The following DCLK1 variants were observed in gnomAD, a reference collection of about 807,000 sequenced individuals.
The protein encoded by DCLK1 is doublecortin like kinase 1, also known as serine/threonine-protein kinase DCLK1.
Under a neutral mutation model 86.2 loss-of-function variants are expected in DCLK1, and 16 were observed. That is an observed-to-expected ratio of 0.19 (90% confidence interval 0.13 to 0.28). The LOEUF (loss-of-function observed/expected upper bound fraction) is 0.28, where lower values mean the gene tolerates loss of function less well. DCLK1 is among the 10% of genes least tolerant of loss of function. DCLK1 has a pLI of 1.00. For missense variants in DCLK1, 590 were observed against 940.2 expected (o/e 0.63, Z 4.87); for synonymous variants, 369 against 370.5 (o/e 1.00, Z 0.05).
intron 3 of DCLK1, among the ~76,000 whole-genome samples, chr13:36,014,101 A>G (rs1029143390): frequency 2.6e-5 from 4 of 152,102 alleles, no homozygotes; most frequent in Non-Finnish European, 4.4e-5. Context: ...GCCTGCGCCC[A>G]CTGTCTGGCA....
chr13:35,860,870 T>C (rs1411133001), intron 5 of DCLK1, among the ~76,000 whole-genome samples: 2 of 151,916 alleles, frequency 1.3e-5, no homozygotes, highest in African/African-American at 4.8e-5. Context: ...CCAAATTGGG[T>C]GAGTGGGCTT....
chr13:35,907,503 T>A (rs567321130), intron 4 of DCLK1, among the ~76,000 whole-genome samples: 1 of 152,142 alleles, frequency 6.6e-6, no homozygotes, highest in African/African-American at 2.4e-5. Context: ...CTTCCCTTTT[T>A]CAGACATACC....
At chr13:36,084,080 T>C (rs1427906004) in intron 3 of DCLK1, among the ~76,000 whole-genome samples, 2 of 152,188 alleles carry the variant, frequency 1.3e-5, no homozygotes, top group Non-Finnish European at 2.9e-5. Flanking sequence ...AAAAATACAT[T>C]GGAGCAAACA....
intron 5 of DCLK1, chr13:35,855,775 T>C: frequency 7.8e-7 from 1 of 1,279,410 alleles, no homozygotes; most frequent in Non-Finnish European, 9.9e-7. Context: ...CAATTAAGCC[T>C]CTTGCCAACA....
intron 4 of DCLK1, among the ~76,000 whole-genome samples, chr13:35,905,698 C>A (rs969853148): frequency 6.6e-6 from 1 of 152,132 alleles, no homozygotes. Context: ...GTATTCCCAG[C>A]GCATTGGGAG....
In DCLK1 at chr13:35,770,021, G is replaced by A. The variant is rs1464559786; in HGVS notation, c.*4514C>T. The A allele has an allele frequency of 6.6e-6, 1 of 152,132 alleles. No individual in the cohort carries two copies. The highest frequency in any genetic ancestry group is 2.4e-5 in the African/African-American group (1 of 41,436). The allele number at this position is 152,132 out of a possible 1,614,324, so 9.4% of individuals were successfully genotyped here. A position where few individuals can be genotyped will look rare whatever the true frequency, so the allele number is the denominator to read the frequency against. ...ACAAAAACCCCCACTCTAACCAGAG[G>A]CATTTAAGCCTCTCCACTGAAGTTC... On this transcript the variant is annotated 3_prime_UTR_variant, in exon 17 of 17. Coordinates refer to ENST00000360631, the MANE Select transcript of DCLK1 (RefSeq NM_001330071.2).
chr13:36,004,206 A>G (rs1593808150), intron 3 of DCLK1, among the ~76,000 whole-genome samples: 1 of 152,354 alleles, frequency 6.6e-6, no homozygotes, highest in East Asian at 1.9e-4. Flanking sequence ...ATAATTCAGT[A>G]TGTGATCACA....
intron 4 of DCLK1, among the ~76,000 whole-genome samples, chr13:35,885,063 A>G (rs1873145763): frequency 1.3e-5 from 2 of 152,114 alleles, no homozygotes; most frequent in African/African-American, 4.8e-5. Context: ...ATATAAAGGA[A>G]GCTTCCAGAA....
intron 3 of DCLK1, among the ~76,000 whole-genome samples, chr13:36,006,416 T>C (rs570401690): frequency 1.3e-5 from 2 of 152,206 alleles, no homozygotes; most frequent in Non-Finnish European, 1.5e-5. Context: ...TGTGAAACTA[T>C]CAAATAAAGC....
chr13:35,938,676 T>G (rs1371065115), intron 4 of DCLK1, among the ~76,000 whole-genome samples: 1 of 151,566 alleles, frequency 6.6e-6, no homozygotes, highest in Admixed American at 6.6e-5. Context: ...TTTTCTAAAT[T>G]TACACCCCAT....
intron 5 of DCLK1, among the ~76,000 whole-genome samples, chr13:35,867,166 G>T (rs1871855109): frequency 6.6e-6 from 1 of 152,114 alleles, no homozygotes; most frequent in Non-Finnish European, 1.5e-5. Flanking sequence ...AGTCACTTTT[G>T]GTAGCAAGTC....
chr13:36,124,933 C>T (rs75313341), intron 2 of DCLK1, among the ~76,000 whole-genome samples: 4 of 152,052 alleles, frequency 2.6e-5, no homozygotes, highest in East Asian at 3.8e-4. Context: ...TTTTAATTGG[C>T]GATGATTTCT....
At chr13:35,862,815 T>A (rs1200248933) in intron 5 of DCLK1, among the ~76,000 whole-genome samples, 1 of 152,200 alleles carries the variant, frequency 6.6e-6, no homozygotes. Flanking sequence ...TCCTTTTCTC[T>A]TGGAAGAGCT....
chr13:36,045,372 A>ATT (rs1405963739), intron 3 of DCLK1, among the ~76,000 whole-genome samples: 2 of 129,760 alleles, frequency 1.5e-5, no homozygotes, highest in Non-Finnish European at 3.2e-5. Context: ...ATATATATAT[A>ATT]TATATTTCAA....
chr13:36,028,669 C>T (rs1354632876), intron 3 of DCLK1, among the ~76,000 whole-genome samples: 1 of 152,148 alleles, frequency 6.6e-6, no homozygotes, highest in Non-Finnish European at 1.5e-5. Context: ...TTCCCAGTCA[C>T]AGAATGAGAC....
chr13:35,960,163 C>T (rs1878378612), intron 3 of DCLK1, among the ~76,000 whole-genome samples: 1 of 152,168 alleles, frequency 6.6e-6, no homozygotes. Context: ...AGCCAAGAAG[C>T]TCCTTCTACT....
chr13:36,085,113 AT>A (rs1450550736), intron 3 of DCLK1, among the ~76,000 whole-genome samples: 1 of 152,168 alleles, frequency 6.6e-6, no homozygotes, highest in African/African-American at 2.4e-5. Context: ...TAAAATAATT[AT>A]TTTTATCTCC....
chr13:36,013,789 A>C (rs2153148728), intron 3 of DCLK1, among the ~76,000 whole-genome samples: 1 of 152,234 alleles, frequency 6.6e-6, no homozygotes, highest in Non-Finnish European at 1.5e-5. Context: ...TTGTTTACCT[A>C]AGCAAGCCTG....
At chr13:36,117,803 G>A (rs1435676574) in intron 2 of DCLK1, among the ~76,000 whole-genome samples, 10 of 152,124 alleles carry the variant, frequency 6.6e-5, no homozygotes, top group African/African-American at 2.4e-4. Context: ...AGGTTAGAAA[G>A]CAAGATGTGT....
Sources: allele counts gnomAD v4.1 joint callset (sites outside exome capture counted in the v4.1 genomes callset), GRCh38; gene constraint gnomAD v4.1.1; transcripts MANE v1.5; gene names NCBI Gene and HGNC (gene_info 2026-07-23, HGNC 2026-07-21).